DRC11: variants seen among roughly 807,000 people sequenced by gnomAD.
DRC11 encodes the protein IQ and AAA domain-containing protein 1.
chr2:236,478,830 CTT>C, the DRC11 span, among the ~76,000 whole-genome samples: 1 of 139,326 alleles, frequency 7.2e-6, no homozygotes, highest in Admixed American at 7.2e-5. The surrounding 1 kb of genome is among the most constrained non-coding windows in gnomAD (Gnocchi z 5.9). Flanking sequence ...GGTTTGTAGT[CTT>C]TTTTTTTTTT....
the DRC11 span, chr2:236,368,212 A>G: frequency 6.2e-7 from 1 of 1,608,598 alleles, no homozygotes; most frequent in African/African-American, 1.3e-5. Flanking sequence ...CAGATTCCGT[A>G]CAATGTGATG....
chr2:236,353,433 A>G, the DRC11 span, among the ~76,000 whole-genome samples: 2 of 152,220 alleles, frequency 1.3e-5, no homozygotes, highest in South Asian at 2.1e-4. This position sits in a 1 kb window ranked among gnomAD's most constrained non-coding sequence, Gnocchi z 5.0. Context: ...TCAAACATTC[A>G]CCATCAGAAT....
chr2:236,466,955 C>A, the DRC11 span, among the ~76,000 whole-genome samples: 1 of 152,180 alleles, frequency 6.6e-6, no homozygotes, highest in African/African-American at 2.4e-5. Context: ...CTAAAGATGT[C>A]TTCATTTGGC....
chr2:236,359,118 C>T, the DRC11 span, among the ~76,000 whole-genome samples: 15 of 151,990 alleles, frequency 9.9e-5, no homozygotes, highest in East Asian at 1.9e-4. This position sits in a 1 kb window ranked among gnomAD's most constrained non-coding sequence, Gnocchi z 4.3. Context: ...GCAGAGGACG[C>T]TTCAGCGGCC....
At chr2:236,315,430 T>C in the DRC11 span, among the ~76,000 whole-genome samples, 2 of 152,232 alleles carry the variant, frequency 1.3e-5, no homozygotes, top group African/African-American at 2.4e-5. This position sits in a 1 kb window ranked among gnomAD's most constrained non-coding sequence, Gnocchi z 5.1. Context: ...TCAACCATTG[T>C]GGAAGACACT....
chr2:236,424,960 G>A, the DRC11 span, among the ~76,000 whole-genome samples: 1 of 151,814 alleles, frequency 6.6e-6, no homozygotes, highest in Admixed American at 6.6e-5. Flanking sequence ...ACGTCCTCTG[G>A]GTTCATGCAT....
the DRC11 span, chr2:236,503,561 A>G: frequency 7.3e-7 from 1 of 1,370,432 alleles, no homozygotes; most frequent in Non-Finnish European, 1.0e-6. The surrounding 1 kb of genome is among the most constrained non-coding windows in gnomAD (Gnocchi z 4.9). Flanking sequence ...TCTGGGGGAG[A>G]CCAGGCAAAG....
At chr2:236,348,415 C>T in the DRC11 span, among the ~76,000 whole-genome samples, 17 of 152,250 alleles carry the variant, frequency 1.1e-4, no homozygotes, top group African/African-American at 3.9e-4. This position sits in a 1 kb window ranked among gnomAD's most constrained non-coding sequence, Gnocchi z 7.4. Context: ...GGGATGGGTC[C>T]GGTCCGAACA....
At chr2:236,357,160 A>ATAT in the DRC11 span, among the ~76,000 whole-genome samples, 1,293 of 72,530 alleles carry the variant, frequency 0.018, 44 homozygotes, top group African/African-American at 0.034. Context: ...TTATGTATTC[A>ATAT]TATATATCTA....
At chr2:236,335,795 CAG>C in the DRC11 span, among the ~76,000 whole-genome samples, 9 of 152,136 alleles carry the variant, frequency 5.9e-5, no homozygotes, top group Non-Finnish European at 1.3e-4. The surrounding 1 kb of genome is among the most constrained non-coding windows in gnomAD (Gnocchi z 5.6). Context: ...TGAGAGGAGA[CAG>C]GGGTAGTCCT....
the DRC11 span, among the ~76,000 whole-genome samples, chr2:236,438,765 AT>A: frequency 6.6e-6 from 1 of 151,982 alleles, no homozygotes; most frequent in East Asian, 1.9e-4. Context: ...CAGAATATAC[AT>A]TTTTTTCAGC....
chr2:236,320,036 A>G, the DRC11 span, among the ~76,000 whole-genome samples: 1 of 152,232 alleles, frequency 6.6e-6, no homozygotes, highest in Non-Finnish European at 1.5e-5. Flanking sequence ...GCACACAGAG[A>G]GTGCTCGGTG....
chr2:236,439,790 T>G, the DRC11 span, among the ~76,000 whole-genome samples: 1 of 152,184 alleles, frequency 6.6e-6, no homozygotes. Context: ...ATCTTGACAT[T>G]TTTTTCCAAC....
At chr2:236,358,133 T>C in the DRC11 span, among the ~76,000 whole-genome samples, 1 of 116,552 alleles carries the variant, frequency 8.6e-6, no homozygotes, top group Admixed American at 1.0e-4. Context: ...AATATATATT[T>C]ATAATATATA....
chr2:236,377,054 A>G, the DRC11 span: 12 of 1,248,978 alleles, frequency 9.6e-6, 1 homozygote, highest in Non-Finnish European at 1.4e-5. The surrounding 1 kb of genome is among the most constrained non-coding windows in gnomAD (Gnocchi z 4.9). Context: ...ATTTCAAAAC[A>G]CAAGAGGTGA....
chr2:236,403,206 T>C, the DRC11 span, among the ~76,000 whole-genome samples: 5 of 151,988 alleles, frequency 3.3e-5, no homozygotes, highest in African/African-American at 1.2e-4. Context: ...ACAGCATGTG[T>C]GAAGTCCAGA....
At chr2:236,382,371 G>A in the DRC11 span, among the ~76,000 whole-genome samples, 1 of 152,242 alleles carries the variant, frequency 6.6e-6, no homozygotes, top group East Asian at 1.9e-4. Context: ...CCTTAAAATT[G>A]AGTAAATTGG....
chr2:236,412,145 C>G, the DRC11 span, among the ~76,000 whole-genome samples: 1 of 152,214 alleles, frequency 6.6e-6, no homozygotes, highest in South Asian at 2.1e-4. Flanking sequence ...ATCCTTCCAT[C>G]ATGGCCTCCC....
chr2:236,364,676 C>G, the DRC11 span, among the ~76,000 whole-genome samples: 1 of 152,136 alleles, frequency 6.6e-6, no homozygotes, highest in Non-Finnish European at 1.5e-5. Flanking sequence ...GCAGAGAACA[C>G]AAGCAGAGCA....
Sources: allele counts gnomAD v4.1 joint callset (sites outside exome capture counted in the v4.1 genomes callset), GRCh38; gene constraint gnomAD v4.1.1; non-coding constraint Gnocchi (gnomAD v3.1); transcripts MANE v1.5; gene names NCBI Gene and HGNC (gene_info 2026-07-23, HGNC 2026-07-21).